The following PGD variants were observed in gnomAD, a reference collection of about 807,000 sequenced individuals.
The protein encoded by PGD is phosphogluconate dehydrogenase.
A neutral mutation model predicts 60.4 loss-of-function variants in PGD; 21 were observed. The ratio of observed to expected loss-of-function variants is 0.35; its 90% CI spans 0.25 to 0.50. PGD has a LOEUF of 0.50. Among genes scored for constraint, PGD ranks in the 20% least tolerant of loss-of-function variants. The pLI, the probability that PGD is intolerant of heterozygous loss-of-function variation, is 0.98. For missense variants in PGD, 477 were observed against 613.1 expected, an observed-to-expected ratio of 0.78 and a Z score of 2.34; for synonymous variants, 230 against 235.9, an observed-to-expected ratio of 0.97 and a Z score of 0.23.
intron 7 of PGD, among the ~76,000 whole-genome samples, chr1:10,411,929 G>A (rs1213477478): frequency 6.6e-6 from 1 of 152,202 alleles, no homozygotes; most frequent in Admixed American, 6.5e-5. Context: ...GTCAGTCCAA[G>A]TAGGGAAGCT....
chr1:10,415,604 A>C (rs1038820343), intron 8 of PGD, among the ~76,000 whole-genome samples: 3 of 152,176 alleles, frequency 2.0e-5, no homozygotes, highest in African/African-American at 2.4e-5. Context: ...TAGAAATGCT[A>C]AGTCATCCTG....
At position 10,412,701 on chromosome 1, in the gene PGD, C is replaced by A. The variant is rs111981192; in HGVS notation, c.655-361C>A. The stretch of plus-strand genomic sequence containing the variant: ...GGGAAGACAGACAGAAATAAATATA[C>A]AATATCAAACTAGTTAGCGATGACT... On this transcript the variant is annotated intron_variant, in intron 7 of 12. Transcript: ENST00000270776. The A allele has an allele frequency of 1.3e-3, 248 of 192,164 alleles. 1 individual carries two copies. Among genetic ancestry groups the A allele is most frequent in the African/African-American group, 5.4e-3 (236 of 43,538 alleles). The allele number at this position is 192,164 out of a possible 1,614,324, so 11.9% of individuals were successfully genotyped here.
At chr1:10,416,876 T>TG in intron 8 of PGD, 111 bp from the exon 9 acceptor site, 1 of 940,756 alleles carries the variant, frequency 1.1e-6, no homozygotes, top group South Asian at 1.5e-5. Flanking sequence ...ATTCTTCACT[T>TG]GCTTCAGGCC....
rs1639497385 is a variant in PGD, at chr1:10,411,463, G to A, written c.565G>A (p.Gly189Arg). ...AGHFVKMVHN[G>R]IEYGDMQLIC... ...CCACTTCGTGAAGATGGTGCACAACGGGATAGAGTATGGGGACATGCAGCT... is the reference window on the plus strand; with the variant it reads ...CCACTTCGTGAAGATGGTGCACAACAGGATAGAGTATGGGGACATGCAGCT... The change falls in exon 7 of 13, where the codon GGG becomes AGG. Residue 189 changes from glycine to arginine, a missense_variant. Around this residue, in one of 3 missense-constraint regions of PGD, gnomAD observed 431 missense variants for 556.6 expected, o/e 0.77. Transcript: ENST00000270776. 1.9e-6 allele frequency: 3 copies of A among 1,614,094 alleles called. No homozygotes were observed. Among genetic ancestry groups the A allele is most frequent in the Non-Finnish European group, 2.5e-6 (3 of 1,179,992 alleles).
chr1:10,417,226 G>A lies in PGD; in HGVS notation c.975+109G>A, dbSNP rs1270700068. On this transcript the variant is annotated intron_variant, in intron 9 of 12. Transcript: ENST00000270776. ...GCCACAGGATGGCAGGTGGAATGAA[G>A]TTCAGCCTTGACTTGGATCTTGACT... 14 of 1,466,124 alleles carry A rather than the reference G, an allele frequency of 9.5e-6. 1 individual carries two copies. The East Asian group carries it at 2.5e-4, about 26-fold the overall frequency. 90.8% of individuals were successfully genotyped at this position (1,466,124 alleles called of 1,614,324 possible). A position where few individuals can be genotyped will look rare whatever the true frequency, so the allele number is the denominator to read the frequency against.
intron 10 of PGD, among the ~76,000 whole-genome samples, chr1:10,418,304 C>G (rs957451087): frequency 2.0e-5 from 3 of 152,096 alleles, no homozygotes; most frequent in Non-Finnish European, 2.9e-5. Context: ...TATTGAAAAT[C>G]GTCAGATTTT....
At chr1:10,419,233 G>A (rs1348064833) in intron 11 of PGD, among the ~76,000 whole-genome samples, 184 bp from the exon 12 acceptor site, 1 of 149,826 alleles carries the variant, frequency 6.7e-6, no homozygotes, top group Non-Finnish European at 1.5e-5. Flanking sequence ...TGGCTAGACT[G>A]GTCTTGAACT....
intron 1 of PGD, 99 bp downstream of exon 1, chr1:10,399,224 G>A (rs529230718): frequency 2.1e-6 from 3 of 1,404,128 alleles, no homozygotes; most frequent in East Asian, 2.4e-5. Flanking sequence ...CTCCCACCCT[G>A]GGGGTCGCCT....
chr1:10,402,556 T>C (rs150645427), intron 3 of PGD, among the ~76,000 whole-genome samples: 1,770 of 151,042 alleles, frequency 0.012, 35 homozygotes, highest in African/African-American at 0.04. Flanking sequence ...GGGGTCTCAC[T>C]CTGTCCCCCA....
intron 4 of PGD, among the ~76,000 whole-genome samples, 195 bp from the exon 5 acceptor site, chr1:10,403,966 C>T (rs143566612): frequency 6.6e-6 from 1 of 152,134 alleles, no homozygotes; most frequent in Non-Finnish European, 1.5e-5. Context: ...TTTTTAACTC[C>T]TACACATAGG....
chr1:10,399,678 C>A lies in PGD; in HGVS notation c.58C>A (p.Leu20Met). ...GLAVMGQNLI[L>M]NMNDHGFVVC... ...GGCCGTCATGGGCCAGAACTTAATTCTGAACATGAATGACCACGGCTTTGT... is the reference window on the plus strand; with the variant it reads ...GGCCGTCATGGGCCAGAACTTAATTATGAACATGAATGACCACGGCTTTGT... Residue 20 changes from leucine to methionine, a missense_variant, in exon 2 of 13, where the codon CTG (leucine) becomes ATG (methionine). Physicochemically the swap from Leu to Met is conservative, Grantham distance 15 (BLOSUM62 2). Transcript: ENST00000270776. The A allele has an allele frequency of 6.2e-7, 1 of 1,614,130 alleles. No homozygotes were observed. Among genetic ancestry groups the A allele is most frequent in the East Asian group, 2.2e-5 (1 of 44,882 alleles).
intron 4 of PGD, 94 bp from the exon 5 acceptor site, chr1:10,404,067 T>C: frequency 1.2e-6 from 1 of 856,208 alleles, no homozygotes; most frequent in Non-Finnish European, 1.9e-6. Context: ...ATACTTCCTC[T>C]CATTTATAAG....
At chr1:10,411,937 G>T (rs1418909089) in intron 7 of PGD, among the ~76,000 whole-genome samples, 6 of 152,222 alleles carry the variant, frequency 3.9e-5, no homozygotes, top group Non-Finnish European at 8.8e-5. Context: ...AAGTAGGGAA[G>T]CTGAAGCATT....
At chr1:10,404,108 TG>T in intron 4 of PGD, 52 bp from the exon 5 acceptor site, 1 of 1,255,568 alleles carries the variant, frequency 8.0e-7, no homozygotes, top group South Asian at 1.3e-5. Context: ...TAATGAAACA[TG>T]GAAGCATAAT....
intron 1 of PGD, 123 bp from the exon 2 acceptor site, chr1:10,399,506 G>T: frequency 1.1e-6 from 1 of 888,860 alleles, no homozygotes; most frequent in Non-Finnish European, 1.8e-6. Flanking sequence ...CTGGGGGCCC[G>T]CGGGAGGCGC....
chr1:10,411,971 A>G (rs562070387), intron 7 of PGD, among the ~76,000 whole-genome samples: 5 of 152,314 alleles, frequency 3.3e-5, no homozygotes, highest in African/African-American at 4.8e-5. Context: ...TATTATGACA[A>G]TATTCAACCA....
In PGD at chr1:10,403,085, T is replaced by C; in HGVS notation, c.279T>C (p.Asp93=). The part of the protein sequence containing the change: ...DFIEKLVPLL[D]TGDIIIDGGN... ...TCTGGTTACAGGTACCATTGTTGGA[T>C]ACTGGTGACATCATCATTGACGGAG... The change falls in exon 4 of 13, where the codon GAT becomes GAC. Residue 93 remains aspartate (D), a synonymous_variant. Transcript: ENST00000270776. 2 of 1,609,408 alleles carry C rather than the reference T, an allele frequency of 1.2e-6. No individual in the cohort carries two copies. Among genetic ancestry groups the C allele is most frequent in the Non-Finnish European group, 1.7e-6 (2 of 1,175,712 alleles).
At chr1:10,399,190 G>A (rs1639265459) in intron 1 of PGD, 65 bp downstream of exon 1, 3 of 1,574,374 alleles carry the variant, frequency 1.9e-6, no homozygotes, top group Non-Finnish European at 2.6e-6. Context: ...TGGGGGTCGA[G>A]ATCTCCCTCG....
intron 1 of PGD, 50 bp downstream of exon 1, chr1:10,399,175 C>G (rs199715494): frequency 6.3e-7 from 1 of 1,599,420 alleles, no homozygotes; most frequent in Non-Finnish European, 8.5e-7. Flanking sequence ...GGGCGGGGAA[C>G]TCTTTGGGGG....
Sources: gnomAD v4.1 joint callset for allele counts (sites outside exome capture counted in the v4.1 genomes callset) on GRCh38, gnomAD v4.1.1 for gene constraint, gnomAD v4.1.1 regional missense constraint, MANE v1.5 for transcripts, NCBI Gene and HGNC (gene_info 2026-07-23, HGNC 2026-07-21) for gene names.